Variants in FOXO1 observed in about 807,000 individuals in gnomAD.
FOXO1 encodes the protein forkhead box O1.
FOXO1 carries 6 observed loss-of-function variants against 44.1 expected under a neutral mutation model. The ratio of observed to expected loss-of-function variants is 0.14; its 90% CI spans 0.07 to 0.27. FOXO1 has a LOEUF of 0.27. Among genes scored for constraint, FOXO1 ranks in the 10% least tolerant of loss-of-function variants. The pLI, the probability that FOXO1 is intolerant of heterozygous loss-of-function variation, is 1.00. For synonymous variants in FOXO1, 380 were observed against 362.7 expected (o/e 1.05, Z -0.54); for missense variants, 737 against 888.8 (o/e 0.83, Z 2.17).
intron 1 of FOXO1, among the ~76,000 whole-genome samples, chr13:40,583,239 A>G (rs1424254349): frequency 6.6e-6 from 1 of 152,206 alleles, no homozygotes; most frequent in African/African-American, 2.4e-5. Flanking sequence ...GCTGTCGCTC[A>G]GGCTTTGTTG....
At chr13:40,603,033 C>G (rs1875865168) in intron 1 of FOXO1, among the ~76,000 whole-genome samples, 1 of 152,170 alleles carries the variant, frequency 6.6e-6, no homozygotes, top group Non-Finnish European at 1.5e-5. Flanking sequence ...CACTCCACAA[C>G]TAGGCCACTA....
chr13:40,561,102 T>C (rs1216220354), intron 1 of FOXO1, among the ~76,000 whole-genome samples: 2 of 152,124 alleles, frequency 1.3e-5, no homozygotes, highest in Non-Finnish European at 2.9e-5. Flanking sequence ...CCTGTAATCC[T>C]AGCACTTTGC....
chr13:40,567,919 G>C (rs1413243357), intron 1 of FOXO1, among the ~76,000 whole-genome samples: 1 of 151,916 alleles, frequency 6.6e-6, no homozygotes, highest in East Asian at 1.9e-4. Context: ...AGTGAGCCGA[G>C]ATCGCACCAC....
At chr13:40,626,787 C>T (rs1457689953) in intron 1 of FOXO1, among the ~76,000 whole-genome samples, 1 of 152,198 alleles carries the variant, frequency 6.6e-6, no homozygotes, top group African/African-American at 2.4e-5. Context: ...ATACCAGTCT[C>T]AATTCCTTAA....
At chr13:40,591,384 A>T (rs1204721216) in intron 1 of FOXO1, among the ~76,000 whole-genome samples, 1 of 152,150 alleles carries the variant, frequency 6.6e-6, no homozygotes, top group Non-Finnish European at 1.5e-5. Flanking sequence ...TCACAAAGAG[A>T]AGGATCATCA....
At chr13:40,591,690 C>T (rs1875377634) in intron 1 of FOXO1, among the ~76,000 whole-genome samples, 1 of 152,112 alleles carries the variant, frequency 6.6e-6, no homozygotes, top group Non-Finnish European at 1.5e-5. Flanking sequence ...AAAACTATAG[C>T]AAAAACTACT....
intron 1 of FOXO1, among the ~76,000 whole-genome samples, chr13:40,616,589 C>A (rs999606895): frequency 1.8e-4 from 27 of 152,086 alleles, no homozygotes; most frequent in African/African-American, 6.5e-4. Context: ...GTAGCAGCAG[C>A]GGGAGTGGCC....
chr13:40,608,005 T>C (rs377129543), intron 1 of FOXO1, among the ~76,000 whole-genome samples: 14 of 150,482 alleles, frequency 9.3e-5, no homozygotes, highest in African/African-American at 3.2e-4. Flanking sequence ...GTTAGTAACA[T>C]GTCTCTCATG....
intron 1 of FOXO1, among the ~76,000 whole-genome samples, chr13:40,569,942 T>C (rs779325878): frequency 6.6e-6 from 1 of 152,118 alleles, no homozygotes; most frequent in Non-Finnish European, 1.5e-5. Flanking sequence ...ATGGTGATTA[T>C]TAGAATGATG....
chr13:40,614,052 AG>A (rs1219035771), intron 1 of FOXO1, among the ~76,000 whole-genome samples: 1 of 152,228 alleles, frequency 6.6e-6, no homozygotes, highest in African/African-American at 2.4e-5. Context: ...GGTATTTTCC[AG>A]AAGTTCTGGT....
chr13:40,665,724 C>T lies in FOXO1; in HGVS notation c.489G>A (p.Leu163=). 6.8e-7 allele frequency: 1 copy of T among 1,472,458 alleles called. No individual in the cohort carries two copies. The highest frequency in any genetic ancestry group is 9.1e-7 in the Non-Finnish European group (1 of 1,099,298). The allele number at this position is 1,472,458 out of a possible 1,614,324, so 91.2% of individuals were successfully genotyped here. A position where few individuals can be genotyped will look rare whatever the true frequency, so the allele number is the denominator to read the frequency against. ...CCTTGGTGATGAGGTCGGCGTAGGA[C>T]AGGTTGCCCCACGCGTTGCGGCGGG... The part of the protein sequence containing the change: ...SSSRRNAWGN[L]SYADLITKAI... The change falls in exon 1 of 3, where the codon CTG becomes CTA. Residue 163 remains leucine (L), a synonymous_variant. Coordinates refer to ENST00000379561, the MANE Select transcript of FOXO1 (RefSeq NM_002015.4).
intron 1 of FOXO1, among the ~76,000 whole-genome samples, chr13:40,662,347 A>T (rs1024272416): frequency 2.0e-5 from 3 of 151,900 alleles, no homozygotes; most frequent in Admixed American, 6.6e-5. Context: ...GCCATTTATT[A>T]AAAAAAATCA....
chr13:40,620,343 G>T, intron 1 of FOXO1: 1 of 755,680 alleles, frequency 1.3e-6, no homozygotes. Flanking sequence ...CAATAGTGGG[G>T]GCTTCTGCCG....
Position 40,588,858 on chromosome 13 carries a change from A to G in FOXO1, c.631-27998T>C, listed in dbSNP as rs970141796. On this transcript the variant is annotated intron_variant, in intron 1 of 2. Transcript: ENST00000379561. ...GATGACTCACTCCTGTAATCCCAGC[A>G]CTTTGGGAGGCCGAGGTGGGCAGAT... Among the ~76,000 whole-genome samples, 4 of 152,254 alleles carry G rather than the reference A, an allele frequency of 2.6e-5. 1 individual carries two copies. The East Asian group carries it at 7.7e-4, about 29-fold the overall frequency.
rs1477053779 is a variant in FOXO1 at position 40,560,666 on chromosome 13, T to A, written c.825A>T (p.Ala275=). 6.2e-7 allele frequency: 1 copy of A among 1,614,086 alleles called. No homozygotes were observed. The highest frequency in any genetic ancestry group is 2.2e-5 in the East Asian group (1 of 44,894). ...KSRSRAAKKK[A]SLQSGQEGAG... is the part of the protein sequence containing the mutation. ...CACCCTCCTGGCCAGACTGGAGAGATGCTTTCTTCTTGGCAGCTCGGCTTC... is the reference window on the plus strand; with the variant it reads ...CACCCTCCTGGCCAGACTGGAGAGAAGCTTTCTTCTTGGCAGCTCGGCTTC... The change falls in exon 2 of 3, where the codon GCA becomes GCT. Residue 275 remains alanine, a synonymous_variant. Transcript: ENST00000379561. This position sits in a 1 kb window ranked among gnomAD's most constrained non-coding sequence, Gnocchi z 5.1.
intron 1 of FOXO1, among the ~76,000 whole-genome samples, chr13:40,635,908 C>T (rs1318662500): frequency 2.0e-5 from 3 of 152,198 alleles, no homozygotes; most frequent in Admixed American, 6.5e-5. Context: ...CACAGTGGCG[C>T]CCATCTGTAA....
intron 1 of FOXO1, among the ~76,000 whole-genome samples, chr13:40,579,843 C>T (rs1874893164): frequency 6.6e-6 from 1 of 152,184 alleles, no homozygotes; most frequent in African/African-American, 2.4e-5. Context: ...TAGGCAAAAA[C>T]ACCATCTGGG....
Position 40,665,604 on chromosome 13 carries a change from G to A in FOXO1, c.609C>T (p.Ser203=). The A allele has an allele frequency of 2.1e-6, 3 of 1,440,622 alleles. No homozygotes were observed. The highest frequency in any genetic ancestry group is 2.8e-6 in the Non-Finnish European group (3 of 1,080,572). 89.2% of individuals were successfully genotyped at this position (1,440,622 alleles called of 1,614,324 possible). A position where few individuals can be genotyped will look rare whatever the true frequency, so the allele number is the denominator to read the frequency against. ...TCACCTTCCAGCCCGCCGAGCTGTT[G>A]CTGTCACCCTTATCCTTGAAGTAGG... The part of the protein sequence containing the change: ...SVPYFKDKGD[S]NSSAGWKNSI... Residue 203 remains serine (S), a synonymous_variant, in exon 1 of 3, where the codon AGC becomes AGT. Coordinates refer to ENST00000379561, the MANE Select transcript of FOXO1 (RefSeq NM_002015.4).
In FOXO1 at chr13:40,666,312, T is replaced by C; in HGVS notation, c.-100A>G. 1.0e-6 allele frequency: 1 copy of C among 989,558 alleles called. No individual in the cohort carries two copies. Among genetic ancestry groups the C allele is most frequent in the Non-Finnish European group, 1.3e-6 (1 of 744,162 alleles). 61.3% of individuals were successfully genotyped at this position (989,558 alleles called of 1,614,324 possible). On this transcript the variant is annotated 5_prime_UTR_variant, in exon 1 of 3. Coordinates refer to ENST00000379561, the MANE Select transcript of FOXO1 (RefSeq NM_002015.4). ...GGGGCGCGAAGGGACGGTCCGAGAT[T>C]TGGGGGAACGAAGCCGGTGCGGCGA...
Sources: gnomAD v4.1 joint callset for allele counts (sites outside exome capture counted in the v4.1 genomes callset) on GRCh38, gnomAD v4.1.1 for gene constraint, Gnocchi (gnomAD v3.1) non-coding constraint, MANE v1.5 for transcripts, NCBI Gene and HGNC (gene_info 2026-07-23, HGNC 2026-07-21) for gene names.